The following SLIT3 variants were observed in gnomAD, a reference collection of about 807,000 sequenced individuals.
SLIT3 encodes slit homolog 3 protein.
In SLIT3, 68 loss-of-function variants were observed where a neutral mutation model predicts 184.0. That is an observed-to-expected ratio of 0.37 (90% CI 0.30 to 0.45). The LOEUF (loss-of-function observed/expected upper bound fraction) is 0.45, where lower values mean the gene tolerates loss of function less well. SLIT3 is among the 20% of genes least tolerant of loss of function. The pLI is 1.00. For missense variants in SLIT3, 1,707 were observed against 2,026.0 expected (o/e 0.84, Z 3.02); for synonymous variants, 831 against 828.6 (o/e 1.00, Z -0.05).
intron 5 of SLIT3, among the ~76,000 whole-genome samples, chr5:168,872,212 A>T (rs569979503): frequency 6.6e-6 from 1 of 152,234 alleles, no homozygotes. Context: ...TACCTGCATG[A>T]TTAAAAGCTC....
intron 4 of SLIT3, among the ~76,000 whole-genome samples, chr5:168,962,022 G>A (rs1484568008): frequency 2.0e-5 from 3 of 152,008 alleles, no homozygotes; most frequent in East Asian, 3.9e-4. Flanking sequence ...GCTCCTCCAC[G>A]GTACAGAATT....
intron 4 of SLIT3, among the ~76,000 whole-genome samples, chr5:169,040,701 C>A (rs1479027484): frequency 3.3e-5 from 5 of 152,212 alleles, no homozygotes; most frequent in African/African-American, 1.2e-4. Context: ...GTAAGCTTTG[C>A]GTGATGGCAC....
At chr5:168,774,168 T>G in intron 13 of SLIT3, 67 bp downstream of exon 13, 1 of 1,497,160 alleles carries the variant, frequency 6.7e-7, no homozygotes, top group Non-Finnish European at 9.0e-7. Context: ...TTGGGTGTTT[T>G]TCATGATGGG....
chr5:169,211,190 G>T (rs1187237967), intron 3 of SLIT3, among the ~76,000 whole-genome samples: 4 of 152,102 alleles, frequency 2.6e-5, no homozygotes, highest in Non-Finnish European at 5.9e-5. Flanking sequence ...CATATACAAA[G>T]AAAATAAATG....
chr5:169,111,835 G>A (rs549739091), intron 4 of SLIT3, among the ~76,000 whole-genome samples: 13 of 152,290 alleles, frequency 8.5e-5, no homozygotes, highest in Admixed American at 2.6e-4. Context: ...CTGCAGTTTC[G>A]GACTCTGGGT....
chr5:168,763,635 G>A (rs902580036), intron 14 of SLIT3, among the ~76,000 whole-genome samples: 5 of 152,086 alleles, frequency 3.3e-5, no homozygotes, highest in Non-Finnish European at 7.4e-5. Flanking sequence ...GAAATGCCTC[G>A]GCGAGTTGCC....
At chr5:168,695,064 T>C (rs1415566296) in intron 28 of SLIT3, among the ~76,000 whole-genome samples, 2 of 152,214 alleles carry the variant, frequency 1.3e-5, no homozygotes, top group Non-Finnish European at 2.9e-5. Context: ...ATACTGTCTA[T>C]GGGCTGGAGG....
chr5:168,920,585 C>A (rs772613160), intron 4 of SLIT3, among the ~76,000 whole-genome samples: 2 of 152,152 alleles, frequency 1.3e-5, no homozygotes, highest in African/African-American at 2.4e-5. Context: ...AGTTTTAATG[C>A]GTCTTTCCAG....
intron 28 of SLIT3, 28 bp downstream of exon 28, chr5:168,696,264 A>G (rs1012267033): frequency 1.2e-6 from 2 of 1,613,704 alleles, no homozygotes; most frequent in Admixed American, 1.7e-5. Flanking sequence ...CCTCCACCCC[A>G]CCATACATAC....
intron 4 of SLIT3, among the ~76,000 whole-genome samples, chr5:169,026,809 A>G (rs1203005418): frequency 2.0e-5 from 3 of 151,650 alleles, no homozygotes; most frequent in Non-Finnish European, 4.4e-5. Context: ...AAAAAAACCC[A>G]CCCCAAAACT....
At chr5:169,060,207 C>T (rs748370782) in intron 4 of SLIT3, among the ~76,000 whole-genome samples, 2 of 152,160 alleles carry the variant, frequency 1.3e-5, no homozygotes, top group East Asian at 1.9e-4. Flanking sequence ...TTGGTCAACA[C>T]GGTGAAACCC....
intron 1 of SLIT3, among the ~76,000 whole-genome samples, chr5:169,263,101 G>T (rs1374119864): frequency 6.6e-6 from 1 of 152,164 alleles, no homozygotes; most frequent in Non-Finnish European, 1.5e-5. Context: ...AGCACTTTGG[G>T]AGGCTGATGC....
At chr5:169,134,055 T>C (rs759949539) in intron 4 of SLIT3, among the ~76,000 whole-genome samples, 6 of 152,222 alleles carry the variant, frequency 3.9e-5, no homozygotes, top group Admixed American at 1.3e-4. Context: ...TTTCTAAATG[T>C]GCAAAGCTTT....
chr5:168,768,013 T>C (rs1234453000), intron 14 of SLIT3: 2 of 337,782 alleles, frequency 5.9e-6, no homozygotes, highest in Non-Finnish European at 1.2e-5. Context: ...TGTATCTGCA[T>C]CCTTTGAGAC....
intron 4 of SLIT3, among the ~76,000 whole-genome samples, chr5:169,129,268 T>C (rs1761197640): frequency 6.6e-6 from 1 of 152,096 alleles, no homozygotes; most frequent in Non-Finnish European, 1.5e-5. Flanking sequence ...GATAGTTCTC[T>C]AGGCTGGGTG....
At chr5:169,027,529 C>A (rs569363232) in intron 4 of SLIT3, among the ~76,000 whole-genome samples, 1 of 152,304 alleles carries the variant, frequency 6.6e-6, no homozygotes, top group South Asian at 2.1e-4. Context: ...GCTTTCCCCG[C>A]TTCCTAAGCA....
At chr5:168,751,720 A>C (rs1010779419) in intron 18 of SLIT3, among the ~76,000 whole-genome samples, 2 of 143,028 alleles carry the variant, frequency 1.4e-5, no homozygotes, top group Admixed American at 7.3e-5. Flanking sequence ...GAAAGCAGCC[A>C]GTGACATCTT....
chr5:168,823,114 C>A, intron 7 of SLIT3, 146 bp downstream of exon 7: 1 of 742,860 alleles, frequency 1.3e-6, no homozygotes, highest in Non-Finnish European at 2.4e-6. Context: ...CCAAGGCACC[C>A]CTTGGTTAAT....
At chr5:168,980,140 A>G (rs1202143910) in intron 4 of SLIT3, among the ~76,000 whole-genome samples, 1 of 152,084 alleles carries the variant, frequency 6.6e-6, no homozygotes, top group African/African-American at 2.4e-5. Context: ...TTATCTAGTA[A>G]CCATTTGTTT....
Sources: allele counts gnomAD v4.1 joint callset (sites outside exome capture counted in the v4.1 genomes callset), GRCh38; gene constraint gnomAD v4.1.1; transcripts MANE v1.5; gene names NCBI Gene and HGNC (gene_info 2026-07-23, HGNC 2026-07-21).